The following KCNJ6 variants were observed in gnomAD, a reference collection of about 807,000 sequenced individuals.
KCNJ6 encodes the protein potassium inwardly rectifying channel subfamily J member 6, also known as G protein-activated inward rectifier potassium channel 2.
In KCNJ6, 9 loss-of-function variants were observed where a neutral mutation model predicts 34.2. The ratio of observed to expected loss-of-function variants is 0.26; its 90% confidence interval spans 0.16 to 0.46. The LOEUF is 0.46. Among genes scored for constraint, KCNJ6 ranks in the 20% least tolerant of loss-of-function variants. The pLI is 1.00. For synonymous variants in KCNJ6, 196 were observed against 207.1 expected (o/e 0.95, Z 0.46); for missense variants, 236 against 531.3 (o/e 0.44, Z 5.46).
chr21:37,773,277 C>T (rs774235384), intron 2 of KCNJ6, among the ~76,000 whole-genome samples: 1 of 152,166 alleles, frequency 6.6e-6, no homozygotes, highest in African/African-American at 2.4e-5. Flanking sequence ...ATTTCTGTAG[C>T]ATGCTGGGTT....
intron 2 of KCNJ6, among the ~76,000 whole-genome samples, chr21:37,782,605 C>G (rs533758576): frequency 6.6e-6 from 1 of 152,288 alleles, no homozygotes; most frequent in South Asian, 2.1e-4. Context: ...TTCTGGTTCT[C>G]CAGCCACCCT....
chr21:37,740,689 C>G (rs1298905041), intron 2 of KCNJ6, among the ~76,000 whole-genome samples: 1 of 152,208 alleles, frequency 6.6e-6, no homozygotes, highest in Non-Finnish European at 1.5e-5. Flanking sequence ...GAATAAATCT[C>G]TTCAAATATT....
chr21:37,787,135 T>G (rs2055196481), intron 2 of KCNJ6, among the ~76,000 whole-genome samples: 1 of 151,940 alleles, frequency 6.6e-6, no homozygotes, highest in South Asian at 2.1e-4. Flanking sequence ...GAAAATAGTT[T>G]AAAAAAAACA....
At chr21:37,676,010 C>A (rs2054563057) in intron 3 of KCNJ6, among the ~76,000 whole-genome samples, 1 of 152,344 alleles carries the variant, frequency 6.6e-6, no homozygotes, top group Middle Eastern at 3.4e-3. Context: ...AAATGCAGAA[C>A]CCAGACCTCC....
chr21:37,860,884 GTAGACAGTATA>G (rs2055591646), intron 1 of KCNJ6, among the ~76,000 whole-genome samples: 1 of 151,658 alleles, frequency 6.6e-6, no homozygotes, highest in South Asian at 2.1e-4. Flanking sequence ...GTGTATGTGG[GTAGACAGTATA>G]ATCTGGGGTT....
In KCNJ6 at chr21:37,668,924, T is replaced by A. The variant is rs117150968; in HGVS notation, c.947-43440A>T. 3.7e-3 allele frequency among the ~76,000 whole-genome samples: 564 copies of A among 152,316 alleles called. 3 individuals are homozygous for A. Among genetic ancestry groups the A allele is most frequent in the Middle Eastern group, 6.8e-3 (2 of 294 alleles). ...TGGCTTTCGTGATGCAAAATTTGCA[T>A]CTGTAAGGAATCTCTAATAATATAA... On this transcript the variant is annotated intron_variant, in intron 3 of 3. Coordinates refer to ENST00000609713, the MANE Select transcript of KCNJ6 (RefSeq NM_002240.5).
chr21:37,877,415 A>T (rs2055684454), intron 1 of KCNJ6, among the ~76,000 whole-genome samples: 1 of 152,218 alleles, frequency 6.6e-6, no homozygotes, highest in African/African-American at 2.4e-5. Flanking sequence ...TCTCTGCAGG[A>T]TGTGCAGAGG....
intron 2 of KCNJ6, among the ~76,000 whole-genome samples, chr21:37,808,293 G>T (rs2055303651): frequency 6.6e-6 from 1 of 152,172 alleles, no homozygotes; most frequent in South Asian, 2.1e-4. Flanking sequence ...GATTATTTTG[G>T]TCCTGGGCTA....
chr21:37,684,973 C>T (rs891435684), intron 3 of KCNJ6, among the ~76,000 whole-genome samples: 2 of 151,998 alleles, frequency 1.3e-5, no homozygotes, highest in Admixed American at 1.3e-4. Flanking sequence ...AGGTAAAATA[C>T]CATTAACAAA....
rs2054288839 is a variant in KCNJ6, at chr21:37,621,207, C to G, written c.*3952G>C. 6.6e-6 allele frequency: 1 copy of G among 152,148 alleles called. No individual in the cohort carries two copies. Among genetic ancestry groups the G allele is most frequent in the Non-Finnish European group, 1.5e-5 (1 of 68,024 alleles). 9.4% of individuals were successfully genotyped at this position (152,148 alleles called of 1,614,324 possible). On this transcript the variant is annotated 3_prime_UTR_variant, in exon 4 of 4. Transcript: ENST00000609713. ...AAATCATACAGAGTATCACCCAAGT[C>G]AAGGAAAGAAAGACTGAAGAGTAGC...
intron 1 of KCNJ6, among the ~76,000 whole-genome samples, chr21:37,876,899 A>G (rs1400443847): frequency 6.6e-6 from 1 of 152,204 alleles, no homozygotes; most frequent in African/African-American, 2.4e-5. Flanking sequence ...CACCCAAAAA[A>G]TCATGGACTG....
At chr21:37,814,763 T>C (rs560675491) in intron 2 of KCNJ6, among the ~76,000 whole-genome samples, 112 of 151,978 alleles carry the variant, frequency 7.4e-4, no homozygotes, top group Middle Eastern at 6.9e-3. Flanking sequence ...CCAGGCGTGG[T>C]GGCGGGCGCC....
At chr21:37,670,992 T>C (rs1014997300) in intron 3 of KCNJ6, among the ~76,000 whole-genome samples, 2 of 152,236 alleles carry the variant, frequency 1.3e-5, no homozygotes, top group South Asian at 2.1e-4. Flanking sequence ...AATTGTCCAT[T>C]GCTAGTGTAT....
chr21:37,686,971 A>G (rs2054618510), intron 3 of KCNJ6, among the ~76,000 whole-genome samples: 1 of 152,246 alleles, frequency 6.6e-6, no homozygotes, highest in South Asian at 2.1e-4. Flanking sequence ...AGGCAAATTC[A>G]GACTTGCAAT....
intron 3 of KCNJ6, among the ~76,000 whole-genome samples, chr21:37,665,929 G>C (rs1236314429): frequency 6.6e-6 from 1 of 152,202 alleles, no homozygotes. Context: ...TGGGGGCAGA[G>C]AGTGGCCTCT....
rs1210010922 is a variant in KCNJ6 at position 37,624,888 on chromosome 21, T to G, written c.*271A>C. ...GGTAAGTAACTGAAATCTCCAGGAG[T>G]TGGATGTGTAGTATTTTGGGAGGAG... On this transcript the variant is annotated 3_prime_UTR_variant, in exon 4 of 4. Transcript: ENST00000609713. The G allele has an allele frequency of 6.2e-6, 3 of 480,200 alleles. No homozygotes were observed. The highest frequency in any genetic ancestry group is 3.9e-5 in the African/African-American group (2 of 51,564). The allele number at this position is 480,200 out of a possible 1,614,324, so 29.7% of individuals were successfully genotyped here.
chr21:37,634,953 CGCCAT>C (rs917566765), intron 3 of KCNJ6, among the ~76,000 whole-genome samples: 5 of 151,890 alleles, frequency 3.3e-5, no homozygotes, highest in Admixed American at 2.6e-4. Context: ...AGATGGGTTT[CGCCAT>C]GTTGGCCAGG....
At chr21:37,838,366 AG>A (rs1336956514) in intron 2 of KCNJ6, among the ~76,000 whole-genome samples, 3 of 152,244 alleles carry the variant, frequency 2.0e-5, no homozygotes, top group Non-Finnish European at 4.4e-5. Context: ...CAATTCAGTC[AG>A]GTGAGTTAAA....
At chr21:37,760,885 T>C (rs1183484103) in intron 2 of KCNJ6, among the ~76,000 whole-genome samples, 2 of 152,074 alleles carry the variant, frequency 1.3e-5, no homozygotes, top group African/African-American at 4.8e-5. Context: ...GGAACTGTCT[T>C]AGGCCTGGGT....
Sources: gnomAD v4.1 joint callset for allele counts (sites outside exome capture counted in the v4.1 genomes callset) on GRCh38, gnomAD v4.1.1 for gene constraint, MANE v1.5 for transcripts, NCBI Gene and HGNC (gene_info 2026-07-23, HGNC 2026-07-21) for gene names.